LZTS1: variants seen among roughly 807,000 people sequenced by gnomAD.
LZTS1 encodes the protein leucine zipper putative tumor suppressor 1.
LZTS1 carries 31 observed loss-of-function variants against 45.8 expected under a neutral mutation model. The ratio of observed to expected loss-of-function variants is 0.68; its 90% confidence interval spans 0.51 to 0.91. LZTS1 has a LOEUF of 0.91. LZTS1 is among the 40% of genes least tolerant of loss of function. LZTS1 has a pLI of 0.00. For synonymous variants in LZTS1, 359 were observed against 357.3 expected (o/e 1.00, Z -0.05); for missense variants, 821 against 788.9 (o/e 1.04, Z -0.49).
intron 1 of LZTS1, among the ~76,000 whole-genome samples, chr8:20,282,794 G>A (rs185861912): frequency 1.3e-5 from 2 of 152,170 alleles, no homozygotes; most frequent in Admixed American, 1.3e-4. Flanking sequence ...GTGGGTAGGG[G>A]GCAAAATCTT....
Position 20,249,520 on chromosome 8 carries a change from TCTGGTGGGCTGCAGGG to T in LZTS1, c.*186_*201del. The stretch of plus-strand genomic sequence containing the variant: ...AAGCCAGAGGAGTCAGGGCCTGACG[TCTGGTGGGCTGCAGGG>T]CTGGTGAGCACTGGGACATCAGAGA... On this transcript the variant is annotated 3_prime_UTR_variant, in exon 4 of 4. Transcript: ENST00000381569. 1.6e-6 allele frequency: 1 copy of T among 635,536 alleles called. No individual in the cohort carries two copies. Among genetic ancestry groups the T allele is most frequent in the Non-Finnish European group, 2.7e-6 (1 of 374,648 alleles). 39.4% of individuals were successfully genotyped at this position (635,536 alleles called of 1,614,324 possible). A position where few individuals can be genotyped will look rare whatever the true frequency, so the allele number is the denominator to read the frequency against.
intron 1 of LZTS1, among the ~76,000 whole-genome samples, chr8:20,274,293 T>TA (rs1800531549): frequency 6.6e-6 from 1 of 152,210 alleles, no homozygotes; most frequent in African/African-American, 2.4e-5. Context: ...GCATCGTATT[T>TA]TATTTTATGG....
rs1799733349 is a variant in LZTS1 at position 20,246,534 on chromosome 8, C to T, written c.*3188G>A. The T allele has an allele frequency of 6.6e-6, 1 of 152,624 alleles. No individual in the cohort carries two copies. The highest frequency in any genetic ancestry group is 1.5e-5 in the Non-Finnish European group (1 of 68,358). 9.5% of individuals were successfully genotyped at this position (152,624 alleles called of 1,614,324 possible). A position where few individuals can be genotyped will look rare whatever the true frequency, so the allele number is the denominator to read the frequency against. ...CAAGCTGCTGCTCCTCCAGCCAGGC[C>T]TGGCTTAGTTTCGGGCAACTGTCTC... On this transcript the variant is annotated 3_prime_UTR_variant, in exon 4 of 4. Coordinates refer to ENST00000381569, the MANE Select transcript of LZTS1 (RefSeq NM_021020.5).
intron 1 of LZTS1, among the ~76,000 whole-genome samples, chr8:20,286,079 C>T (rs367674449): frequency 1.3e-5 from 2 of 152,276 alleles, no homozygotes; most frequent in South Asian, 2.1e-4. Context: ...ATAATATCTT[C>T]TTGACCTTTG....
At chr8:20,250,504 A>T (rs950492297) in intron 3 of LZTS1, 141 bp from the exon 4 acceptor site, 5 of 751,784 alleles carry the variant, frequency 6.7e-6, no homozygotes, top group African/African-American at 1.8e-5. Context: ...GTCCAATCTG[A>T]AAGTAAGCTG....
chr8:20,262,980 A>T (rs1482040094), intron 1 of LZTS1, among the ~76,000 whole-genome samples: 2 of 152,206 alleles, frequency 1.3e-5, no homozygotes, highest in Non-Finnish European at 2.9e-5. Context: ...AGGCAACCAT[A>T]CTGGCCCTGC....
At chr8:20,293,352 G>C (rs1301461005) in intron 1 of LZTS1, among the ~76,000 whole-genome samples, 1 of 152,150 alleles carries the variant, frequency 6.6e-6, no homozygotes, top group African/African-American at 2.4e-5. Context: ...TTTCTAGAAA[G>C]GTTTCTTTCC....
chr8:20,262,394 C>T (rs1204480390), intron 1 of LZTS1, among the ~76,000 whole-genome samples: 1 of 151,990 alleles, frequency 6.6e-6, no homozygotes, highest in East Asian at 1.9e-4. Context: ...AGATAAAAGC[C>T]AGAGAGACAG....
In LZTS1 at chr8:20,303,795, G is replaced by A; in HGVS notation, c.-190C>T. On this transcript the variant is annotated 5_prime_UTR_variant, in exon 1 of 4. Transcript: ENST00000381569. ...CTTTTTTTTTTTCCCAGTGTTTCCC[G>A]GTGTGTTCCCGTCTCTCTTTTTCCA... 1.0e-6 allele frequency: 1 copy of A among 985,188 alleles called. No homozygotes were observed. Among genetic ancestry groups the A allele is most frequent in the Non-Finnish European group, 1.2e-6 (1 of 829,986 alleles). 61.0% of individuals were successfully genotyped at this position (985,188 alleles called of 1,614,324 possible). A position where few individuals can be genotyped will look rare whatever the true frequency, so the allele number is the denominator to read the frequency against.
intron 1 of LZTS1, among the ~76,000 whole-genome samples, chr8:20,303,470 G>A (rs1199343826): frequency 6.6e-6 from 1 of 152,234 alleles, no homozygotes; most frequent in Non-Finnish European, 1.5e-5. Flanking sequence ...AACCCCGTCT[G>A]CAGGAGACAC....
At chr8:20,254,078 G>A (rs1800024537) in intron 2 of LZTS1, among the ~76,000 whole-genome samples, 1 of 152,168 alleles carries the variant, frequency 6.6e-6, no homozygotes, top group Non-Finnish European at 1.5e-5. Flanking sequence ...TTCCCTGGTA[G>A]AGTGCTTCAC....
intron 1 of LZTS1, among the ~76,000 whole-genome samples, chr8:20,269,868 G>T (rs867995069): frequency 6.6e-6 from 1 of 152,132 alleles, no homozygotes; most frequent in Admixed American, 6.5e-5. Context: ...CTAGACCAGG[G>T]TCTTCCATGG....
At chr8:20,303,669 G>A (rs1801121971) in intron 1 of LZTS1, 71 bp downstream of exon 1, 1 of 984,280 alleles carries the variant, frequency 1.0e-6, no homozygotes, top group Admixed American at 6.1e-5. Context: ...CCGGCGAGGG[G>A]AAAGCGGTTT....
chr8:20,277,253 C>T (rs1800602686), intron 1 of LZTS1, among the ~76,000 whole-genome samples: 1 of 152,188 alleles, frequency 6.6e-6, no homozygotes, highest in African/African-American at 2.4e-5. Context: ...TGGCAGTTTA[C>T]AAATGCCCTG....
chr8:20,262,379 A>G (rs1800251876), intron 1 of LZTS1, among the ~76,000 whole-genome samples: 2 of 152,158 alleles, frequency 1.3e-5, no homozygotes, highest in African/African-American at 4.8e-5. Flanking sequence ...TATTTAGTGA[A>G]TGGTAGATAA....
In LZTS1 at chr8:20,274,961, C is replaced by CTGTGTGTGTGTGTGTGTGTGTGTG. The variant is rs34482608; in HGVS notation, c.-134-19647_-134-19646insCACACACACACACACACACACACA. ...CAAAGATAGAGTGGCTGCCATGATA[C>CTGTGTGTGTGTGTGTGTGTGTGTG]TGTGTGTGTGTGTGTGTGTGTGTCT... On this transcript the variant is annotated intron_variant, in intron 1 of 3. Transcript: ENST00000381569. 7.8e-3 allele frequency among the ~76,000 whole-genome samples: 977 copies of CTGTGTGTGTGTGTGTGTGTGTGTG among 125,690 alleles called. 17 individuals carry two copies. The highest frequency in any genetic ancestry group is 0.025 in the African/African-American group (937 of 37,396). 82.5% of individuals were successfully genotyped at this position (125,690 alleles called of 152,430 possible). A position where few individuals can be genotyped will look rare whatever the true frequency, so the allele number is the denominator to read the frequency against.
chr8:20,253,454 C>A lies in LZTS1; in HGVS notation c.477G>T (p.Glu159Asp). ...LHPAPPDKPK[E>D]QELKPGLCSG... ...AGCACAGGCCAGGCTTCAGCTCCTG[C>A]TCCTTGGGCTTGTCTGGAGGGGCGG... The change falls in exon 3 of 4, where the codon GAG (glutamate) becomes GAT (aspartate). Residue 159 changes from glutamate to aspartate, a missense_variant. Coordinates refer to ENST00000381569, the MANE Select transcript of LZTS1 (RefSeq NM_021020.5). 1 of 1,610,456 alleles carries A rather than the reference C, an allele frequency of 6.2e-7. No homozygotes were observed. The highest frequency in any genetic ancestry group is 8.5e-7 in the Non-Finnish European group (1 of 1,178,622).
At position 20,250,243 on chromosome 8, in the gene LZTS1, C is replaced by G. The variant is rs941702363; in HGVS notation, c.1270G>C (p.Gly424Arg). ...GLKAQLKDTR[G>R]KLEGLELRTQ... ...CTCAGCTCCAGGCCCTCCAGCTTGC[C>G]CCGCGTGTCCTTCAGCTGTGCCTTG... Residue 424 changes from glycine (G) to arginine (R), a missense_variant, in exon 4 of 4, where the codon GGC becomes CGC. Coordinates refer to ENST00000381569, the MANE Select transcript of LZTS1 (RefSeq NM_021020.5). The G allele has an allele frequency of 4.3e-6, 7 of 1,613,598 alleles. No individual in the cohort carries two copies. The highest frequency in any genetic ancestry group is 1.3e-5 in the African/African-American group (1 of 75,076).
chr8:20,282,652 C>CT (rs1300904682), intron 1 of LZTS1, among the ~76,000 whole-genome samples: 1 of 152,186 alleles, frequency 6.6e-6, no homozygotes, highest in African/African-American at 2.4e-5. Flanking sequence ...AAGGGGCTGT[C>CT]CTGTGTGTGG....
Sources: allele counts gnomAD v4.1 joint callset (sites outside exome capture counted in the v4.1 genomes callset), GRCh38; gene constraint gnomAD v4.1.1; transcripts MANE v1.5; gene names NCBI Gene and HGNC (gene_info 2026-07-23, HGNC 2026-07-21).